Variants in SMCO2 observed in about 807,000 individuals in gnomAD.
SMCO2 encodes the protein single-pass membrane and coiled-coil domain-containing protein 2.
In SMCO2, 25 loss-of-function variants were observed where a neutral mutation model predicts 29.5. That is an observed-to-expected ratio of 0.85 (90% CI 0.62 to 1.18). The LOEUF (loss-of-function observed/expected upper bound fraction) is 1.18. Among genes scored for constraint, SMCO2 ranks in the 50% most tolerant of loss-of-function variants. The probability of loss-of-function intolerance (pLI) is 0.00; values close to 1 mark genes in which losing one functional copy is unlikely to be tolerated. For missense variants in SMCO2, 348 were observed against 344.5 expected (o/e 1.01, Z -0.08); for synonymous variants, 117 against 123.3 (o/e 0.95, Z 0.34).
intron 4 of SMCO2, among the ~76,000 whole-genome samples, chr12:27,487,362 A>AT (rs1441690965): frequency 6.6e-6 from 1 of 151,952 alleles, no homozygotes; most frequent in Non-Finnish European, 1.5e-5. Context: ...ACTCAGGATA[A>AT]TTTTTTTGAG....
At chr12:27,500,026 C>A (rs1943057965) in intron 7 of SMCO2, among the ~76,000 whole-genome samples, 1 of 150,010 alleles carries the variant, frequency 6.7e-6, no homozygotes, top group Admixed American at 6.6e-5. Context: ...AAATAGTATT[C>A]AAAAGTTAAA....
chr12:27,459,562 C>G, the SMCO2 span, among the ~76,000 whole-genome samples: 2 of 152,156 alleles, frequency 1.3e-5, no homozygotes, highest in South Asian at 4.1e-4. Context: ...TACACACAAC[C>G]TCTGTGACAC....
At chr12:27,482,200 T>C (rs1327098613) in intron 4 of SMCO2, among the ~76,000 whole-genome samples, 3 of 152,214 alleles carry the variant, frequency 2.0e-5, no homozygotes, top group Non-Finnish European at 4.4e-5. Flanking sequence ...TTTTTATATA[T>C]TGTGTTTTCA....
chr12:27,443,909 A>G, the SMCO2 span, among the ~76,000 whole-genome samples: 1 of 152,250 alleles, frequency 6.6e-6, no homozygotes, highest in East Asian at 1.9e-4. Context: ...AAATTAATTT[A>G]CAGATTCAAT....
chr12:27,499,882 G>A (rs921900932), intron 7 of SMCO2, among the ~76,000 whole-genome samples: 2 of 150,500 alleles, frequency 1.3e-5, no homozygotes, highest in Non-Finnish European at 2.9e-5. Flanking sequence ...GCTTCACAAG[G>A]TGGCCTTTTA....
chr12:27,495,384 C>T (rs771419724), intron 6 of SMCO2, among the ~76,000 whole-genome samples: 3 of 150,514 alleles, frequency 2.0e-5, no homozygotes, highest in African/African-American at 5.0e-5. Context: ...CATAGATGAA[C>T]GAGTTGAGTA....
chr12:27,429,614 C>T, the SMCO2 span, among the ~76,000 whole-genome samples: 7 of 151,874 alleles, frequency 4.6e-5, no homozygotes, highest in African/African-American at 1.5e-4. Context: ...ATGAATGGCC[C>T]AGAATGAGTA....
chr12:27,472,762 T>A lies in SMCO2; in HGVS notation c.135-14T>A. 2 of 1,547,290 alleles carry A rather than the reference T, an allele frequency of 1.3e-6. No homozygotes were observed. Among genetic ancestry groups the A allele is most frequent in the Non-Finnish European group, 1.7e-6 (2 of 1,143,814 alleles). On this transcript the variant is annotated splice_polypyrimidine_tract_variant and intron_variant, in intron 2 of 7. Coordinates refer to ENST00000298876, the Ensembl canonical transcript of SMCO2. The stretch of plus-strand genomic sequence containing the variant: ...GCATAATAACAGCCTCTGTTTGGAT[T>A]GTGTGGCTTGCAGTTTGCTAAAGGA...
At chr12:27,469,040 G>T (rs978991696) in intron 1 of SMCO2, among the ~76,000 whole-genome samples, 1 of 152,182 alleles carries the variant, frequency 6.6e-6, no homozygotes, top group Non-Finnish European at 1.5e-5. Flanking sequence ...TCTTGGGGGA[G>T]ACATTGAGAT....
At chr12:27,452,279 G>A in the SMCO2 span, among the ~76,000 whole-genome samples, 2 of 152,102 alleles carry the variant, frequency 1.3e-5, no homozygotes, top group Non-Finnish European at 2.9e-5. Context: ...GGGGCTTTTA[G>A]GGTATCCATT....
intron 7 of SMCO2, among the ~76,000 whole-genome samples, chr12:27,496,192 G>A (rs117798780): frequency 0.056 from 8,404 of 150,112 alleles, 567 homozygotes; most frequent in Non-Finnish European, 0.085. Flanking sequence ...GGCTATTAAT[G>A]TTAATTATAT....
At chr12:27,475,049 T>C in intron 4 of SMCO2, 136 bp downstream of exon 4, 1 of 1,005,678 alleles carries the variant, frequency 9.9e-7, no homozygotes, top group East Asian at 2.7e-5. Flanking sequence ...GTCCTGTGCA[T>C]AGGTAACTAC....
At chr12:27,449,173 G>A in the SMCO2 span, among the ~76,000 whole-genome samples, 6 of 152,246 alleles carry the variant, frequency 3.9e-5, no homozygotes, top group Non-Finnish European at 4.4e-5. Flanking sequence ...CCCTGCACCC[G>A]CTTCCGTGAT....
chr12:27,456,769 CA>C, the SMCO2 span, among the ~76,000 whole-genome samples: 1 of 152,148 alleles, frequency 6.6e-6, no homozygotes, highest in Non-Finnish European at 1.5e-5. Context: ...CAGGGGTTCC[CA>C]ACCCCCAGGC....
chr12:27,426,510 T>C, the SMCO2 span, among the ~76,000 whole-genome samples: 1 of 152,192 alleles, frequency 6.6e-6, no homozygotes. Context: ...CATTTGTAAA[T>C]ACCCTTGCAG....
At chr12:27,465,166 G>A (rs1949489631), upstream of SMCO2, among the ~76,000 whole-genome samples, 1 of 152,142 alleles carries the variant, frequency 6.6e-6, no homozygotes, top group African/African-American at 2.4e-5. Context: ...ATGGTCCCTG[G>A]AGCCAGACTA....
chr12:27,472,754 G>C, intron 2 of SMCO2, 22 bp from the exon 3 acceptor site: 1 of 1,543,142 alleles, frequency 6.5e-7, no homozygotes, highest in African/African-American at 1.4e-5. Context: ...AACAGCCTCT[G>C]TTTGGATTGT....
At chr12:27,502,026 C>T in exon 8 of SMCO2, 1 of 1,548,162 alleles carries the variant, frequency 6.5e-7, no homozygotes, top group African/African-American at 1.4e-5. Context: ...TGAAAGGGTG[C>T]TTCTGAGAAT....
At chr12:27,439,265 C>T in the SMCO2 span, among the ~76,000 whole-genome samples, 1 of 152,094 alleles carries the variant, frequency 6.6e-6, no homozygotes, top group African/African-American at 2.4e-5. Context: ...GGGCACGAAC[C>T]CTAGCCAGCA....
Sources: allele counts gnomAD v4.1 joint callset (sites outside exome capture counted in the v4.1 genomes callset), GRCh38; gene constraint gnomAD v4.1.1; transcripts MANE v1.5; gene names NCBI Gene and HGNC (gene_info 2026-07-23, HGNC 2026-07-21).